GUCA1C: variants seen among roughly 807,000 people sequenced by gnomAD.
GUCA1C encodes the protein guanylate cyclase activator 1C, also known as guanylyl cyclase-activating protein 3.
A neutral mutation model predicts 16.2 loss-of-function variants in GUCA1C; 15 were observed. That is an observed-to-expected ratio of 0.93 (90% CI 0.62 to 1.43). The LOEUF (loss-of-function observed/expected upper bound fraction) is 1.43. Ranked by LOEUF, GUCA1C falls within the 40% of genes most tolerant of loss-of-function variation. GUCA1C has a pLI of 0.00. For missense variants in GUCA1C, 275 were observed against 244.8 expected (o/e 1.12, Z -0.82); for synonymous variants, 78 against 85.4 (o/e 0.91, Z 0.48).
intron 1 of GUCA1C, among the ~76,000 whole-genome samples, chr3:108,935,342 A>C (rs1240631006): frequency 6.6e-6 from 1 of 151,930 alleles, no homozygotes; most frequent in Non-Finnish European, 1.5e-5. Context: ...ATTTAAAATG[A>C]AAATTGAAAA....
chr3:108,945,029 G>T (rs1946830192), intron 1 of GUCA1C, among the ~76,000 whole-genome samples: 1 of 152,232 alleles, frequency 6.6e-6, no homozygotes, highest in African/African-American at 2.4e-5. Context: ...GCCTCTGCAT[G>T]GATGTCAGTA....
At chr3:108,910,561 G>A (rs1277318877) in intron 3 of GUCA1C, among the ~76,000 whole-genome samples, 4 of 152,022 alleles carry the variant, frequency 2.6e-5, no homozygotes, top group Non-Finnish European at 5.9e-5. Flanking sequence ...ATAGAGCAGG[G>A]AGATCATGGG....
chr3:108,939,895 T>C (rs1424609182), intron 1 of GUCA1C, among the ~76,000 whole-genome samples: 1 of 152,194 alleles, frequency 6.6e-6, no homozygotes, highest in African/African-American at 2.4e-5. Context: ...CAGCCACTGG[T>C]ATTTTTAATA....
At chr3:108,935,174 T>C (rs554708971) in intron 1 of GUCA1C, among the ~76,000 whole-genome samples, 4 of 151,700 alleles carry the variant, frequency 2.6e-5, no homozygotes, top group East Asian at 3.9e-4. Flanking sequence ...ATGGCAACAA[T>C]AGAAACTGGG....
intron 3 of GUCA1C, among the ~76,000 whole-genome samples, chr3:108,910,543 G>A (rs553336145): frequency 1.3e-5 from 2 of 152,100 alleles, no homozygotes; most frequent in Admixed American, 6.5e-5. Flanking sequence ...CAATGCCTGT[G>A]AGAGATGATA....
chr3:108,951,535 G>C (rs1946895679), intron 1 of GUCA1C, among the ~76,000 whole-genome samples: 2 of 152,334 alleles, frequency 1.3e-5, no homozygotes, highest in Admixed American at 1.3e-4. Context: ...ATTCTGGACA[G>C]TTGCTAGTTT....
At chr3:108,934,226 A>G (rs1339029161) in intron 1 of GUCA1C, among the ~76,000 whole-genome samples, 2 of 152,174 alleles carry the variant, frequency 1.3e-5, no homozygotes, top group East Asian at 1.9e-4. Context: ...TACATAATGC[A>G]TTCAGGGCTG....
chr3:108,952,244 C>A (rs1005408390), intron 1 of GUCA1C, among the ~76,000 whole-genome samples: 2 of 152,136 alleles, frequency 1.3e-5, no homozygotes, highest in Non-Finnish European at 2.9e-5. Context: ...CAGGGAGAGG[C>A]AAATAAAGAC....
intron 3 of GUCA1C, among the ~76,000 whole-genome samples, chr3:108,909,112 G>A (rs977437581): frequency 6.6e-5 from 10 of 152,178 alleles, no homozygotes; most frequent in Admixed American, 1.3e-4. Context: ...TTTTAATGGA[G>A]AAGACAAATA....
rs1232046862 is a variant in GUCA1C at position 108,929,145 on chromosome 3, TG to T, written c.205-8561del. On this transcript the variant is annotated intron_variant, in intron 1 of 3. Coordinates refer to ENST00000261047, the MANE Select transcript of GUCA1C (RefSeq NM_005459.4). ...TTTGTAGTTTTCCTCATATAGATTT[TG>T]TACAGATTTTGTTAGATTTATACCT... Among the ~76,000 whole-genome samples, 5 of 152,058 alleles carry T rather than the reference TG, an allele frequency of 3.3e-5. No individual in the cohort carries two copies. The East Asian group carries it at 9.6e-4, about 29-fold the overall frequency.
intron 1 of GUCA1C, among the ~76,000 whole-genome samples, chr3:108,920,973 A>G (rs1946564747): frequency 6.6e-6 from 1 of 152,188 alleles, no homozygotes; most frequent in Non-Finnish European, 1.5e-5. Flanking sequence ...AGTTTACATT[A>G]GTGTCCACTC....
chr3:108,929,526 T>A lies in GUCA1C; in HGVS notation c.205-8941A>T, dbSNP rs543511359. Among the ~76,000 whole-genome samples, 18 of 152,348 alleles carry A rather than the reference T, an allele frequency of 1.2e-4. No individual in the cohort carries two copies. The East Asian group carries it at 3.5e-3, about 29-fold the overall frequency. On this transcript the variant is annotated intron_variant, in intron 1 of 3. Transcript: ENST00000261047. ...ATGAGAGGGGACATCCTTGCCTTGT[T>A]TCTGATCTCAGTGGGAAAGCTCTTA...
At chr3:108,954,735 CTTTTTT>C (rs35104093), upstream of GUCA1C, among the ~76,000 whole-genome samples, 2 of 129,306 alleles carry the variant, frequency 1.5e-5, no homozygotes, top group Non-Finnish European at 1.6e-5. Flanking sequence ...TATAGTTCTC[CTTTTTT>C]TTTTTTTTTT....
intron 2 of GUCA1C, among the ~76,000 whole-genome samples, chr3:108,919,107 C>T (rs765906523): frequency 1.3e-5 from 2 of 152,142 alleles, no homozygotes; most frequent in Non-Finnish European, 2.9e-5. Context: ...TTACCATGCT[C>T]TTACCAGAAT....
Position 108,908,354 on chromosome 3 carries a change from AAC to A in GUCA1C, c.443-147_443-146del, listed in dbSNP as rs1208036934. 3.1e-3 allele frequency: 1,376 copies of A among 450,342 alleles called. 27 individuals are homozygous for A. Among genetic ancestry groups the A allele is most frequent in the African/African-American group, 0.024 (1,127 of 46,288 alleles). The allele number at this position is 450,342 out of a possible 1,614,324, so 27.9% of individuals were successfully genotyped here. On this transcript the variant is annotated intron_variant, in intron 3 of 3. Transcript: ENST00000261047. The stretch of plus-strand genomic sequence containing the variant: ...TAAGATCTTTGAAGATCTTCATTTA[AAC>A]AAAAAAAAAAAAAAAAAGCATTCAC...
At chr3:108,916,315 G>T in intron 2 of GUCA1C, 101 bp from the exon 3 acceptor site, 2 of 1,063,578 alleles carry the variant, frequency 1.9e-6, no homozygotes, top group African/African-American at 1.6e-5. Context: ...ATGTGTTGTC[G>T]GTTGCTATCC....
At chr3:108,923,563 A>G (rs1946591020) in intron 1 of GUCA1C, among the ~76,000 whole-genome samples, 1 of 152,196 alleles carries the variant, frequency 6.6e-6, no homozygotes, top group Non-Finnish European at 1.5e-5. Context: ...GCCTTATAGT[A>G]TAATTTGAAG....
chr3:108,935,259 G>C (rs968249559), intron 1 of GUCA1C, among the ~76,000 whole-genome samples: 1 of 151,582 alleles, frequency 6.6e-6, no homozygotes, highest in Non-Finnish European at 1.5e-5. Flanking sequence ...ATCACTATCC[G>C]GATGATGGGA....
At chr3:108,942,887 G>A (rs2107312692) in intron 1 of GUCA1C, among the ~76,000 whole-genome samples, 1 of 152,290 alleles carries the variant, frequency 6.6e-6, no homozygotes, top group African/African-American at 2.4e-5. Context: ...CAAGTGCAGT[G>A]AGATAATAAT....
Sources: gnomAD v4.1 joint callset for allele counts (sites outside exome capture counted in the v4.1 genomes callset) on GRCh38, gnomAD v4.1.1 for gene constraint, MANE v1.5 for transcripts, NCBI Gene and HGNC (gene_info 2026-07-23, HGNC 2026-07-21) for gene names.